The following AGK variants were observed in gnomAD, a reference collection of about 807,000 sequenced individuals.
The protein encoded by AGK is acylglycerol kinase, mitochondrial.
A neutral mutation model predicts 66.4 loss-of-function variants in AGK; 52 were observed. The observed-to-expected ratio is 0.78, with a 90% CI of 0.63 to 0.99. AGK has a LOEUF of 0.99. Ranked by LOEUF, AGK falls within the 50% of genes least tolerant of loss-of-function variation. The pLI is 0.00. For missense variants in AGK, 451 were observed against 506.6 expected (o/e 0.89, Z 1.05); for synonymous variants, 182 against 181.1 (o/e 1.00, Z -0.04).
intron 14 of AGK, among the ~76,000 whole-genome samples, chr7:141,649,982 T>G (rs1364026393): frequency 3.3e-5 from 5 of 152,232 alleles, no homozygotes; most frequent in Admixed American, 3.3e-4. Flanking sequence ...AGAATTTTAT[T>G]GGTAAAGAAC....
intron 15 of AGK, chr7:141,652,382 CA>C (rs1797583186): frequency 6.3e-6 from 1 of 158,472 alleles, no homozygotes; most frequent in African/African-American, 2.4e-5. Flanking sequence ...AATAGCATGT[CA>C]TAAGAGAATT....
chr7:141,558,314 G>A (rs1210225849), intron 2 of AGK, among the ~76,000 whole-genome samples: 1 of 150,882 alleles, frequency 6.6e-6, no homozygotes, highest in Non-Finnish European at 1.5e-5. Context: ...CGTGCACCAT[G>A]CCTGGCTAAT....
At chr7:141,574,656 G>T (rs1157386910) in intron 2 of AGK, among the ~76,000 whole-genome samples, 1 of 152,170 alleles carries the variant, frequency 6.6e-6, no homozygotes, top group African/African-American at 2.4e-5. Flanking sequence ...AAGCCTCCAG[G>T]CGATACATTT....
intron 10 of AGK, 60 bp from the exon 11 acceptor site, chr7:141,636,900 T>C: frequency 7.4e-7 from 1 of 1,357,494 alleles, no homozygotes; most frequent in Non-Finnish European, 1.0e-6. Flanking sequence ...ATGAATGGTA[T>C]CTATCACATG....
intron 2 of AGK, among the ~76,000 whole-genome samples, chr7:141,587,438 G>A (rs979044994): frequency 1.3e-5 from 2 of 152,086 alleles, no homozygotes; most frequent in African/African-American, 4.8e-5. Flanking sequence ...GGCTCCTTAT[G>A]GCCCTTAGGG....
chr7:141,620,687 A>T (rs1226260372), intron 8 of AGK, among the ~76,000 whole-genome samples: 6 of 152,212 alleles, frequency 3.9e-5, no homozygotes, highest in African/African-American at 1.4e-4. Context: ...GTCTACTGGG[A>T]TCCAGTCATA....
At chr7:141,647,689 A>T (rs1448761956) in intron 13 of AGK, among the ~76,000 whole-genome samples, 1 of 152,156 alleles carries the variant, frequency 6.6e-6, no homozygotes, top group Non-Finnish European at 1.5e-5. Flanking sequence ...TGATTGATTG[A>T]GACGGAGTTT....
chr7:141,571,786 C>T (rs890436025), intron 2 of AGK, among the ~76,000 whole-genome samples: 1 of 152,222 alleles, frequency 6.6e-6, no homozygotes, highest in Non-Finnish European at 1.5e-5. Flanking sequence ...AAGTCTCTAT[C>T]TGTAAACTGG....
At chr7:141,647,719 G>A (rs1797449777) in intron 13 of AGK, among the ~76,000 whole-genome samples, 1 of 152,202 alleles carries the variant, frequency 6.6e-6, no homozygotes. Context: ...CACCCAGGCT[G>A]GAGTGCAATC....
At chr7:141,639,453 G>T (rs1797240969) in intron 11 of AGK, among the ~76,000 whole-genome samples, 1 of 152,140 alleles carries the variant, frequency 6.6e-6, no homozygotes, top group African/African-American at 2.4e-5. Flanking sequence ...TGACTGAATT[G>T]GCAAAATCCA....
At position 141,654,937 on chromosome 7, in the gene AGK, ACAGACGGTTC is replaced by A. The variant is rs372410543; in HGVS notation, c.*2016_*2025del. Reference sequence around the variant, plus strand: ...AATTTCTGCTTTTGGCAAAAACATAACAGACGGTTCCAAACATCAGCATAAAGATCACTCA... The same window carrying A: ...AATTTCTGCTTTTGGCAAAAACATAACAAACATCAGCATAAAGATCACTCA... On this transcript the variant is annotated 3_prime_UTR_variant, in exon 16 of 16. Transcript: ENST00000649286. 12 of 152,322 alleles carry A rather than the reference ACAGACGGTTC, an allele frequency of 7.9e-5. No individual in the cohort carries two copies. The highest frequency in any genetic ancestry group is 2.9e-4 in the African/African-American group (12 of 41,556). 9.4% of individuals were successfully genotyped at this position (152,322 alleles called of 1,614,324 possible).
intron 2 of AGK, among the ~76,000 whole-genome samples, chr7:141,575,581 A>G (rs1795716689): frequency 6.6e-6 from 1 of 151,238 alleles, no homozygotes; most frequent in Admixed American, 6.6e-5. Flanking sequence ...GATAATTTCT[A>G]AGGACTCTTC....
intron 9 of AGK, among the ~76,000 whole-genome samples, chr7:141,625,222 C>T (rs1796911012): frequency 1.3e-5 from 2 of 152,238 alleles, no homozygotes; most frequent in South Asian, 4.1e-4. Flanking sequence ...TTTTTTGACT[C>T]ATTTTATTGT....
chr7:141,583,760 T>C (rs1412239980), intron 2 of AGK, among the ~76,000 whole-genome samples: 7 of 151,898 alleles, frequency 4.6e-5, no homozygotes, highest in Admixed American at 4.6e-4. Flanking sequence ...ACATGTCTCC[T>C]TTGTTTCTAC....
intron 1 of AGK, among the ~76,000 whole-genome samples, chr7:141,554,935 T>C (rs554699562): frequency 4.1e-4 from 62 of 152,228 alleles, no homozygotes; most frequent in Non-Finnish European, 8.2e-4. Flanking sequence ...TGCCTCTTCA[T>C]TGAGTTTTCT....
intron 8 of AGK, among the ~76,000 whole-genome samples, chr7:141,616,548 C>G (rs1796704009): frequency 6.6e-6 from 1 of 151,944 alleles, no homozygotes; most frequent in Admixed American, 6.6e-5. Flanking sequence ...AACTGTATCT[C>G]TTTTAACAAT....
intron 2 of AGK, among the ~76,000 whole-genome samples, chr7:141,567,630 A>C (rs1393076593): frequency 6.6e-6 from 1 of 152,254 alleles, no homozygotes; most frequent in Non-Finnish European, 1.5e-5. Flanking sequence ...GTTTGCTGAA[A>C]GTAAAGACAG....
At chr7:141,609,067 G>A (rs1796521961) in intron 5 of AGK, among the ~76,000 whole-genome samples, 1 of 152,064 alleles carries the variant, frequency 6.6e-6, no homozygotes, top group African/African-American at 2.4e-5. Context: ...GAATAAAAGT[G>A]GAACTATTCA....
chr7:141,577,376 C>T (rs1795766866), intron 2 of AGK, among the ~76,000 whole-genome samples: 2 of 152,290 alleles, frequency 1.3e-5, no homozygotes, highest in Admixed American at 1.3e-4. Flanking sequence ...CAACCAATTG[C>T]CACTCAGACT....
Sources: gnomAD v4.1 joint callset for allele counts (sites outside exome capture counted in the v4.1 genomes callset) on GRCh38, gnomAD v4.1.1 for gene constraint, MANE v1.5 for transcripts, NCBI Gene and HGNC (gene_info 2026-07-23, HGNC 2026-07-21) for gene names.